Variants in LHFPL3 observed in about 807,000 individuals in gnomAD.
LHFPL3 encodes the protein LHFPL tetraspan subfamily member 3.
A neutral mutation model predicts 19.3 loss-of-function variants in LHFPL3; 5 were observed. That is an observed-to-expected ratio of 0.26 (90% CI 0.14 to 0.54). The LOEUF (loss-of-function observed/expected upper bound fraction) is 0.54, where lower values mean the gene tolerates loss of function less well. Among genes scored for constraint, LHFPL3 ranks in the 20% least tolerant of loss-of-function variants. The pLI, the probability that LHFPL3 is intolerant of heterozygous loss-of-function variation, is 0.94. For missense variants in LHFPL3, 249 were observed against 307.4 expected (o/e 0.81, Z 1.42); for synonymous variants, 133 against 126.2 (o/e 1.05, Z -0.36).
intron 1 of LHFPL3, among the ~76,000 whole-genome samples, chr7:104,572,054 T>A (rs1255502298): frequency 6.6e-6 from 1 of 152,236 alleles, no homozygotes; most frequent in African/African-American, 2.4e-5. Context: ...AGTGCAGATT[T>A]TAAGTGAACT....
At chr7:104,485,006 C>A (rs1793210691) in intron 1 of LHFPL3, among the ~76,000 whole-genome samples, 1 of 152,150 alleles carries the variant, frequency 6.6e-6, no homozygotes, top group Non-Finnish European at 1.5e-5. Context: ...CAGAGGGGCT[C>A]TCCATAGGTG....
At chr7:104,666,509 A>ATTTTTTTTTT (rs1315147894) in intron 1 of LHFPL3, among the ~76,000 whole-genome samples, 2 of 44,158 alleles carry the variant, frequency 4.5e-5, no homozygotes, top group Non-Finnish European at 4.6e-5. Context: ...ACAGGATTTC[A>ATTTTTTTTTT]TTCTTTTTTT....
chr7:104,884,713 A>G (rs1792117541), intron 2 of LHFPL3, among the ~76,000 whole-genome samples: 1 of 152,220 alleles, frequency 6.6e-6, no homozygotes, highest in East Asian at 1.9e-4. Context: ...ACATTTTGCA[A>G]GCCTGGATGA....
intron 1 of LHFPL3, among the ~76,000 whole-genome samples, chr7:104,331,848 G>C (rs146879914): frequency 0.031 from 4,779 of 152,060 alleles, 114 homozygotes; most frequent in Non-Finnish European, 0.049. Flanking sequence ...TACTTGGGAG[G>C]CTGAGGCAGG....
chr7:104,361,567 C>G (rs979430760), intron 1 of LHFPL3, among the ~76,000 whole-genome samples: 2 of 152,118 alleles, frequency 1.3e-5, no homozygotes, highest in African/African-American at 4.8e-5. Flanking sequence ...GTGAGCCACC[C>G]TTGGGATTAA....
chr7:104,868,292 CCT>C (rs1791768372), intron 2 of LHFPL3, among the ~76,000 whole-genome samples: 1 of 152,000 alleles, frequency 6.6e-6, no homozygotes, highest in Non-Finnish European at 1.5e-5. Context: ...TCAAATTGTC[CCT>C]GTTTGCAGAT....
intron 2 of LHFPL3, among the ~76,000 whole-genome samples, chr7:104,871,311 G>C (rs1791831884): frequency 6.6e-6 from 1 of 152,042 alleles, no homozygotes; most frequent in South Asian, 2.1e-4. Flanking sequence ...ACATAGAAAA[G>C]GTACAGTAAA....
intron 1 of LHFPL3, among the ~76,000 whole-genome samples, chr7:104,396,395 G>A (rs1193807422): frequency 6.6e-6 from 1 of 152,156 alleles, no homozygotes; most frequent in Non-Finnish European, 1.5e-5. Context: ...AAGGTCTCCA[G>A]AGCAGCGGCT....
chr7:104,662,236 CA>C (rs1792237362), intron 1 of LHFPL3, among the ~76,000 whole-genome samples: 1 of 152,132 alleles, frequency 6.6e-6, no homozygotes, highest in Non-Finnish European at 1.5e-5. Flanking sequence ...AACTCTGAGA[CA>C]AAAACAGCTT....
intron 1 of LHFPL3, among the ~76,000 whole-genome samples, chr7:104,356,052 A>G (rs1190991345): frequency 2.0e-5 from 3 of 152,254 alleles, no homozygotes; most frequent in Non-Finnish European, 2.9e-5. Context: ...ACAATGTGGA[A>G]GATTGTAGGA....
chr7:104,713,564 C>G (rs1208417097), intron 1 of LHFPL3, among the ~76,000 whole-genome samples: 1 of 152,048 alleles, frequency 6.6e-6, no homozygotes, highest in Non-Finnish European at 1.5e-5. Context: ...GAGAAATCAG[C>G]CACCATAATC....
intron 2 of LHFPL3, among the ~76,000 whole-genome samples, chr7:104,850,381 G>A (rs1238123800): frequency 6.6e-6 from 1 of 152,190 alleles, no homozygotes. Flanking sequence ...AATGGGACTG[G>A]GAGACAGGAG....
At chr7:104,330,464 T>C (rs901391715) in intron 1 of LHFPL3, among the ~76,000 whole-genome samples, 5 of 152,210 alleles carry the variant, frequency 3.3e-5, no homozygotes, top group African/African-American at 1.2e-4. Flanking sequence ...TGTTGTAGGA[T>C]GAGTAGATAC....
intron 2 of LHFPL3, among the ~76,000 whole-genome samples, chr7:104,850,655 G>T (rs1213682299): frequency 6.6e-6 from 1 of 152,176 alleles, no homozygotes; most frequent in African/African-American, 2.4e-5. Flanking sequence ...GTAGTCTCCA[G>T]ACCAGCAGCA....
At chr7:104,855,065 G>T (rs1244265153) in intron 2 of LHFPL3, among the ~76,000 whole-genome samples, 1 of 152,112 alleles carries the variant, frequency 6.6e-6, no homozygotes, top group Admixed American at 6.5e-5. Context: ...TCCCAGGTTT[G>T]CAAATTGAAA....
At chr7:104,537,975 A>C (rs1794419427) in intron 1 of LHFPL3, among the ~76,000 whole-genome samples, 1 of 152,224 alleles carries the variant, frequency 6.6e-6, no homozygotes, top group Non-Finnish European at 1.5e-5. Flanking sequence ...CATAGTGAAT[A>C]GAAGTCAAGG....
chr7:104,520,749 T>G (rs1308971866), intron 1 of LHFPL3, among the ~76,000 whole-genome samples: 2 of 134,938 alleles, frequency 1.5e-5, no homozygotes, highest in African/African-American at 5.5e-5. Flanking sequence ...GTGTTTGTAG[T>G]ATTCTCTGAT....
intron 1 of LHFPL3, among the ~76,000 whole-genome samples, chr7:104,494,065 G>C (rs534663100): frequency 6.6e-6 from 1 of 152,034 alleles, no homozygotes. Flanking sequence ...ATTTAAAACT[G>C]CATATATGGC....
intron 1 of LHFPL3, among the ~76,000 whole-genome samples, chr7:104,337,677 T>G (rs1314074123): frequency 6.6e-6 from 1 of 152,246 alleles, no homozygotes; most frequent in Non-Finnish European, 1.5e-5. Context: ...ATTTCTGTAA[T>G]ATAATGCCTT....
Sources: gnomAD v4.1 joint callset for allele counts (sites outside exome capture counted in the v4.1 genomes callset) on GRCh38, gnomAD v4.1.1 for gene constraint, MANE v1.5 for transcripts, NCBI Gene and HGNC (gene_info 2026-07-23, HGNC 2026-07-21) for gene names.